The following MALRD1 variants were observed in gnomAD, a reference collection of about 807,000 sequenced individuals.
MALRD1 encodes the protein MAM and LDL receptor class A domain containing 1.
Under a neutral mutation model 242.1 loss-of-function variants are expected in MALRD1, and 247 were observed. The ratio of observed to expected loss-of-function variants is 1.02; its 90% CI spans 0.92 to 1.13. The LOEUF is 1.13. Ranked by LOEUF, MALRD1 falls within the 50% of genes most tolerant of loss-of-function variation. The pLI is 0.00. For missense variants in MALRD1, 2,989 were observed against 2,533.1 expected, an observed-to-expected ratio of 1.18 and a Z score of -3.86; for synonymous variants, 995 against 866.6, an observed-to-expected ratio of 1.15 and a Z score of -2.60.
chr10:19,216,096 CTTCT>C (rs200642954), intron 18 of MALRD1, among the ~76,000 whole-genome samples: 1,660 of 142,894 alleles, frequency 0.012, 22 homozygotes, highest in African/African-American at 0.034. Context: ...TCTTTTTCTA[CTTCT>C]TTCTTTCTTT....
chr10:19,664,264 G>A (rs1412749441), intron 36 of MALRD1, among the ~76,000 whole-genome samples: 1 of 151,998 alleles, frequency 6.6e-6, no homozygotes, highest in East Asian at 1.9e-4. Flanking sequence ...TGCTAATTTA[G>A]ATTGTTAATT....
intron 36 of MALRD1, among the ~76,000 whole-genome samples, chr10:19,626,517 CATAAGATAAATATAAAAG>C (rs1315218288): frequency 2.0e-5 from 3 of 151,754 alleles, no homozygotes; most frequent in Non-Finnish European, 4.4e-5. Flanking sequence ...GATAGATGGA[CATAAGATAAATATAAAAG>C]ACTAGATGAA....
intron 28 of MALRD1, among the ~76,000 whole-genome samples, chr10:19,441,223 G>T (rs1834628223): frequency 6.6e-6 from 1 of 152,036 alleles, no homozygotes; most frequent in African/African-American, 2.4e-5. Context: ...TAAGTTCTTT[G>T]TAGATTCTGG....
intron 33 of MALRD1, among the ~76,000 whole-genome samples, chr10:19,569,603 C>G (rs1298504948): frequency 2.0e-5 from 3 of 148,942 alleles, no homozygotes; most frequent in Non-Finnish European, 3.0e-5. Context: ...TTCTTCCAGT[C>G]ATTCTTTGCT....
chr10:19,485,677 T>G (rs1219348274), intron 29 of MALRD1, among the ~76,000 whole-genome samples: 1 of 150,458 alleles, frequency 6.6e-6, no homozygotes, highest in African/African-American at 2.4e-5. Flanking sequence ...AATAATAAAA[T>G]AGATCAGTGT....
intron 19 of MALRD1, among the ~76,000 whole-genome samples, chr10:19,258,368 G>T (rs1839608861): frequency 6.6e-6 from 1 of 151,960 alleles, no homozygotes; most frequent in African/African-American, 2.4e-5. Context: ...CACAACCCAG[G>T]CCTTGAATAG....
Position 19,257,708 on chromosome 10 carries a change from G to T in MALRD1, c.3016G>T (p.Asp1006Tyr). ...FQILVEASVG[D>Y]GFTGDIAIDD... is the part of the protein sequence containing the mutation. ...GATATTGGTGGAGGCTTCAGTGGGAGATGGCTTCACTGGAGATATTGCGAT... is the reference window on the plus strand; with the variant it reads ...GATATTGGTGGAGGCTTCAGTGGGATATGGCTTCACTGGAGATATTGCGAT... The change falls in exon 19 of 40, where the codon GAT becomes TAT. Residue 1006 changes from aspartate (D) to tyrosine (Y), a missense_variant. Asp to Tyr is a radical substitution (Grantham distance 160, BLOSUM62 -3). Coordinates refer to ENST00000454679, the MANE Select transcript of MALRD1 (RefSeq NM_001142308.3). 6.5e-7 allele frequency: 1 copy of T among 1,541,014 alleles called. No homozygotes were observed. The highest frequency in any genetic ancestry group is 8.8e-7 in the Non-Finnish European group (1 of 1,141,346).
chr10:19,717,914 G>A (rs1834463570), intron 38 of MALRD1, among the ~76,000 whole-genome samples: 1 of 151,960 alleles, frequency 6.6e-6, no homozygotes, highest in South Asian at 2.1e-4. Context: ...CTACTTGGGA[G>A]GCTGAGACAT....
In MALRD1 at chr10:19,323,969, A is replaced by T. The variant is rs1191304959; in HGVS notation, c.3440A>T (p.Tyr1147Phe). 1 of 1,550,770 alleles carries T rather than the reference A, an allele frequency of 6.4e-7. No individual in the cohort carries two copies. Among genetic ancestry groups the T allele is most frequent in the African/African-American group, 1.4e-5 (1 of 73,132 alleles). Residue 1147 changes from tyrosine (Y) to phenylalanine (F), a missense_variant, in exon 22 of 40, where the codon TAC (tyrosine) becomes TTC (phenylalanine). By Grantham distance (22) the Tyr-to-Phe change is conservative. Coordinates refer to ENST00000454679, the MANE Select transcript of MALRD1 (RefSeq NM_001142308.3). Reference protein sequence around the residue: ...DHTQNTTDGWYLYADSSNGKF... With the variant: ...DHTQNTTDGWFLYADSSNGKF... ...TCCAGAAATACCACTGATGGCTGGT[A>T]CCTGTATGCTGACAGTTCTAATGGG...
At chr10:19,669,692 AT>A (rs1841825366) in intron 36 of MALRD1, among the ~76,000 whole-genome samples, 1 of 152,194 alleles carries the variant, frequency 6.6e-6, no homozygotes, top group African/African-American at 2.4e-5. Flanking sequence ...CCAGAAAAAA[AT>A]TAAAAAATAA....
At chr10:19,400,562 A>G (rs539008289) in intron 28 of MALRD1, among the ~76,000 whole-genome samples, 7 of 152,204 alleles carry the variant, frequency 4.6e-5, no homozygotes, top group Non-Finnish European at 1.0e-4. Flanking sequence ...TTTTAATTGA[A>G]TGAAAGATTG....
intron 39 of MALRD1, among the ~76,000 whole-genome samples, chr10:19,732,250 G>T: frequency 6.6e-6 from 1 of 152,182 alleles, no homozygotes; most frequent in Middle Eastern, 3.4e-3. Context: ...TTTTACTGGA[G>T]AAAGAAAATC....
intron 11 of MALRD1, among the ~76,000 whole-genome samples, chr10:19,153,600 G>T (rs1449517817): frequency 6.6e-6 from 1 of 151,592 alleles, no homozygotes; most frequent in Non-Finnish European, 1.5e-5. Context: ...GAAGTTGGAG[G>T]ATTGTTTGAA....
chr10:19,586,539 G>A (rs945848773), intron 33 of MALRD1, among the ~76,000 whole-genome samples: 3 of 152,188 alleles, frequency 2.0e-5, no homozygotes, highest in East Asian at 1.9e-4. Context: ...AGGCTGCTCA[G>A]GGGTCAGGGG....
chr10:19,515,623 G>C (rs537203528), intron 31 of MALRD1, among the ~76,000 whole-genome samples: 1 of 151,854 alleles, frequency 6.6e-6, no homozygotes, highest in East Asian at 1.9e-4. Context: ...ACAGTGGCCC[G>C]ATCTTAGCTC....
At chr10:19,401,191 T>C (rs1589025227) in intron 28 of MALRD1, among the ~76,000 whole-genome samples, 1 of 152,178 alleles carries the variant, frequency 6.6e-6, no homozygotes, top group Non-Finnish European at 1.5e-5. Context: ...GCATTTATTC[T>C]ACCCTCTACA....
Position 19,520,786 on chromosome 10 carries a change from A to G in MALRD1, c.5321-10408A>G, listed in dbSNP as rs118162305. ...CCCTGATTATCTACAGCTGCTCTAT[A>G]TTTCTTCAGCTATTCACCCCATCAA... On this transcript the variant is annotated intron_variant, in intron 31 of 39. Transcript: ENST00000454679. Among the ~76,000 whole-genome samples, 370 of 152,060 alleles carry G rather than the reference A, an allele frequency of 2.4e-3. 7 individuals carry two copies. The East Asian group carries it at 0.05, about 21-fold the overall frequency.
rs377634654 is a variant in MALRD1 at position 19,640,038 on chromosome 10, T to C, written c.6137+24115T>C. On this transcript the variant is annotated intron_variant, in intron 36 of 39. Coordinates refer to ENST00000454679, the MANE Select transcript of MALRD1 (RefSeq NM_001142308.3). ...AGGGAGTAAATGCAGTTACTCCCCA[T>C]TGACTGTGAGGCCCACCATGGGGGA... 3.3e-5 allele frequency among the ~76,000 whole-genome samples: 5 copies of C among 152,300 alleles called. No homozygotes were observed. In the East Asian group the frequency reaches 9.6e-4, roughly 29 times the overall value.
intron 36 of MALRD1, among the ~76,000 whole-genome samples, chr10:19,652,584 G>A (rs7069928): frequency 0.097 from 14,693 of 152,134 alleles, 1,829 homozygotes; most frequent in African/African-American, 0.29. Flanking sequence ...TGAACCAAGT[G>A]TGGGTCAGTA....
Sources: allele counts gnomAD v4.1 joint callset (sites outside exome capture counted in the v4.1 genomes callset), GRCh38; gene constraint gnomAD v4.1.1; transcripts MANE v1.5; gene names NCBI Gene and HGNC (gene_info 2026-07-23, HGNC 2026-07-21).